Variants in SLC9C1 observed in about 807,000 individuals in gnomAD.
SLC9C1 encodes the protein solute carrier family 9 member C1.
A neutral mutation model predicts 140.9 loss-of-function variants in SLC9C1; 97 were observed. The ratio of observed to expected loss-of-function variants is 0.69; its 90% CI spans 0.58 to 0.82. The LOEUF is 0.82. Ranked by LOEUF, SLC9C1 falls within the 40% of genes least tolerant of loss-of-function variation. The pLI is 0.00. For synonymous variants in SLC9C1, 440 were observed against 442.6 expected (o/e 0.99, Z 0.07); for missense variants, 1,340 against 1,389.3 (o/e 0.96, Z 0.56).
rs188817773 is a variant in SLC9C1, at chr3:112,182,579, T to A, written c.2524-321A>T. 1.4e-3 allele frequency among the ~76,000 whole-genome samples: 216 copies of A among 152,234 alleles called. 3 individuals are homozygous for A. The highest frequency in any genetic ancestry group is 0.013 in the East Asian group (65 of 5,182). The stretch of plus-strand genomic sequence containing the variant: ...ACCTCTTAGGTAGTTTTCCCTATGA[T>A]CATTATTCTGAAGTCATAGATAAGC... On this transcript the variant is annotated intron_variant, in intron 20 of 28. Coordinates refer to ENST00000305815, the MANE Select transcript of SLC9C1 (RefSeq NM_183061.3).
At chr3:112,227,392 A>G (rs1197308896) in intron 13 of SLC9C1, among the ~76,000 whole-genome samples, 1 of 152,190 alleles carries the variant, frequency 6.6e-6, no homozygotes, top group Non-Finnish European at 1.5e-5. Context: ...ATTATACACT[A>G]TGATCAAGTG....
intron 11 of SLC9C1, among the ~76,000 whole-genome samples, chr3:112,241,469 C>T (rs61637411): frequency 0.017 from 2,657 of 152,266 alleles, 82 homozygotes; most frequent in African/African-American, 0.06. Context: ...AATGGAAAAA[C>T]ATTCCATGCT....
chr3:112,264,147 C>T (rs2079852643), intron 9 of SLC9C1, 53 bp downstream of exon 9: 1 of 828,592 alleles, frequency 1.2e-6, no homozygotes, highest in East Asian at 3.8e-5. Flanking sequence ...AAAAGATGAC[C>T]TTCAAACTTA....
rs1416985809 is a variant in SLC9C1 at position 112,151,855 on chromosome 3, A to G, written c.3524+2T>C. ...CCTGTTGAGGAAACCAGAGTGGCTT[A>G]CCTGACTTTCCTTAGGTTTATTCTA... On this transcript the variant is annotated splice_donor_variant, in intron 28 of 28. Transcript: ENST00000305815. LOFTEE classifies it high-confidence loss of function. 1 of 1,611,704 alleles carries G rather than the reference A, an allele frequency of 6.2e-7. No homozygotes were observed. The highest frequency in any genetic ancestry group is 1.1e-5 in the South Asian group (1 of 90,606).
intron 2 of SLC9C1, among the ~76,000 whole-genome samples, chr3:112,284,845 T>C (rs944518195): frequency 2.6e-5 from 4 of 152,118 alleles, no homozygotes; most frequent in African/African-American, 7.2e-5. Flanking sequence ...AACTATTCTT[T>C]ATAAAATTAT....
At chr3:112,246,686 G>A (rs1284595742) in intron 10 of SLC9C1, among the ~76,000 whole-genome samples, 1 of 152,088 alleles carries the variant, frequency 6.6e-6, no homozygotes, top group African/African-American at 2.4e-5. Flanking sequence ...TTACTTCACA[G>A]AAAGAAAAAA....
intron 20 of SLC9C1, among the ~76,000 whole-genome samples, chr3:112,187,882 A>C (rs1468989268): frequency 6.6e-6 from 1 of 152,052 alleles, no homozygotes; most frequent in Non-Finnish European, 1.5e-5. Flanking sequence ...TATATACAAA[A>C]TCTTATAATT....
chr3:112,163,735 A>G (rs903334276), intron 26 of SLC9C1, among the ~76,000 whole-genome samples: 7 of 152,132 alleles, frequency 4.6e-5, no homozygotes, highest in African/African-American at 1.7e-4. Context: ...GTGCTGAAAA[A>G]AATGTATATT....
In SLC9C1 at chr3:112,151,916, G is replaced by T; in HGVS notation, c.3465C>A (p.Ser1155=). Residue 1155 remains serine, a synonymous_variant, in exon 28 of 29, where the codon TCC becomes TCA. Transcript: ENST00000305815. The part of the protein sequence containing the change: ...AATARSPQPC[S]LLGTKFNCKE... Reference sequence around the variant, plus strand: ...TACAGTTGAACTTTGTCCCCAGCAGGGAGCAAGGCTGGGGACTCCTGGCAG... The same window carrying T: ...TACAGTTGAACTTTGTCCCCAGCAGTGAGCAAGGCTGGGGACTCCTGGCAG... 6.2e-7 allele frequency: 1 copy of T among 1,607,430 alleles called. No homozygotes were observed. Among genetic ancestry groups the T allele is most frequent in the South Asian group, 1.1e-5 (1 of 89,608 alleles).
chr3:112,253,664 C>T (rs1357358059), intron 10 of SLC9C1, among the ~76,000 whole-genome samples: 1 of 152,212 alleles, frequency 6.6e-6, no homozygotes, highest in African/African-American at 2.4e-5. Context: ...GACACCCAAA[C>T]ACAGAGATGA....
intron 7 of SLC9C1, among the ~76,000 whole-genome samples, chr3:112,269,078 C>T (rs1360956161): frequency 6.6e-6 from 1 of 152,072 alleles, no homozygotes; most frequent in Non-Finnish European, 1.5e-5. Context: ...TAACAGTTAC[C>T]AAGACAAAAT....
intron 26 of SLC9C1, among the ~76,000 whole-genome samples, chr3:112,165,454 G>C (rs947170610): frequency 6.6e-6 from 1 of 152,110 alleles, no homozygotes; most frequent in African/African-American, 2.4e-5. Flanking sequence ...TTTTGGTGTG[G>C]ATGTCCTTTG....
intron 15 of SLC9C1, among the ~76,000 whole-genome samples, chr3:112,209,844 A>G (rs1210969718): frequency 6.6e-6 from 1 of 152,212 alleles, no homozygotes; most frequent in Non-Finnish European, 1.5e-5. Context: ...ATTTAAATAA[A>G]AGGTAAGACA....
intron 11 of SLC9C1, among the ~76,000 whole-genome samples, chr3:112,241,581 G>A (rs1238212685): frequency 2.0e-5 from 3 of 152,080 alleles, no homozygotes; most frequent in African/African-American, 4.8e-5. Context: ...ATTTTTCACA[G>A]GATTAGAGAA....
In SLC9C1 at chr3:112,168,931, A is replaced by G. The variant is rs773567572; in HGVS notation, c.3183T>C (p.Cys1061=). ...GTGCTCTATAAGTTTTTCGTAACAGACAATCTTCTACAGCTCCATGTATGA... is the reference window on the plus strand; with the variant it reads ...GTGCTCTATAAGTTTTTCGTAACAGGCAATCTTCTACAGCTCCATGTATGA... ...VILIHGAVED[C]LLRKTYRAPF... Residue 1061 remains cysteine (C), a synonymous_variant, in exon 25 of 29, where the codon TGT becomes TGC. Coordinates refer to ENST00000305815, the MANE Select transcript of SLC9C1 (RefSeq NM_183061.3). 34 of 1,606,006 alleles carry G rather than the reference A, an allele frequency of 2.1e-5. No individual in the cohort carries two copies. The highest frequency in any genetic ancestry group is 4.5e-5 in the East Asian group (2 of 44,830).
chr3:112,189,970 T>C (rs1216919484), intron 20 of SLC9C1, among the ~76,000 whole-genome samples: 1 of 152,218 alleles, frequency 6.6e-6, no homozygotes, highest in African/African-American at 2.4e-5. Flanking sequence ...GTTGGATTCC[T>C]AGGTATTTTA....
chr3:112,164,286 T>G (rs1463108795), intron 26 of SLC9C1, among the ~76,000 whole-genome samples: 3 of 149,438 alleles, frequency 2.0e-5, no homozygotes, highest in Non-Finnish European at 2.9e-5. Flanking sequence ...AAAGTTAATA[T>G]TGTTTTGTGT....
chr3:112,269,907 C>T lies in SLC9C1; in HGVS notation c.775+9G>A, dbSNP rs2080024778. ...GTGATTTTATTTTAGGCATAGGCCCCTCACTTACAAATATAAAAGATGAGA... is the reference window on the plus strand; with the variant it reads ...GTGATTTTATTTTAGGCATAGGCCCTTCACTTACAAATATAAAAGATGAGA... On this transcript the variant is annotated intron_variant, in intron 7 of 28. Coordinates refer to ENST00000305815, the MANE Select transcript of SLC9C1 (RefSeq NM_183061.3). 1 of 1,493,488 alleles carries T rather than the reference C, an allele frequency of 6.7e-7. No homozygotes were observed. Among genetic ancestry groups the T allele is most frequent in the Non-Finnish European group, 8.9e-7 (1 of 1,123,548 alleles). The allele number at this position is 1,493,488 out of a possible 1,614,324, so 92.5% of individuals were successfully genotyped here.
chr3:112,186,454 CA>C (rs2077542526), intron 20 of SLC9C1, among the ~76,000 whole-genome samples: 1 of 151,750 alleles, frequency 6.6e-6, no homozygotes, highest in East Asian at 1.9e-4. Context: ...ACAATTAAAA[CA>C]AAATTAAAAC....
Sources: gnomAD v4.1 joint callset for allele counts (sites outside exome capture counted in the v4.1 genomes callset) on GRCh38, gnomAD v4.1.1 for gene constraint, MANE v1.5 for transcripts, NCBI Gene and HGNC (gene_info 2026-07-23, HGNC 2026-07-21) for gene names.